PALLD: variants seen among roughly 807,000 people sequenced by gnomAD.
The protein encoded by PALLD is palladin.
A neutral mutation model predicts 123.5 loss-of-function variants in PALLD; 61 were observed. The observed-to-expected ratio is 0.49, with a 90% confidence interval of 0.40 to 0.61. The LOEUF (loss-of-function observed/expected upper bound fraction) is 0.61. Among genes scored for constraint, PALLD ranks in the 20% least tolerant of loss-of-function variants. The pLI is 0.00. For synonymous variants in PALLD, 465 were observed against 496.4 expected, an observed-to-expected ratio of 0.94 and a Z score of 0.84; for missense variants, 1,273 against 1,377.0, an observed-to-expected ratio of 0.92 and a Z score of 1.20.
intron 2 of PALLD, among the ~76,000 whole-genome samples, chr4:168,620,132 A>T (rs1774615102): frequency 6.6e-6 from 1 of 152,204 alleles, no homozygotes; most frequent in Admixed American, 6.5e-5. Context: ...AATGATACTT[A>T]ATTTTGTGTT....
At chr4:168,578,428 A>C (rs978785089) in intron 2 of PALLD, among the ~76,000 whole-genome samples, 6 of 152,028 alleles carry the variant, frequency 3.9e-5, no homozygotes, top group African/African-American at 1.2e-4. Flanking sequence ...TGGTTTTATA[A>C]GGGGCTTTTC....
chr4:168,778,023 G>A (rs1034571926), intron 10 of PALLD, among the ~76,000 whole-genome samples: 6 of 152,284 alleles, frequency 3.9e-5, no homozygotes, highest in South Asian at 2.1e-4. Context: ...ACTTTTCTTC[G>A]TCTTGGATGA....
intron 2 of PALLD, among the ~76,000 whole-genome samples, chr4:168,567,889 C>T (rs1768572654): frequency 6.6e-6 from 1 of 151,836 alleles, no homozygotes; most frequent in Non-Finnish European, 1.5e-5. Flanking sequence ...CAAGACTGTA[C>T]CACTACATAA....
intron 10 of PALLD, among the ~76,000 whole-genome samples, chr4:168,820,172 G>A (rs1169741719): frequency 6.6e-6 from 1 of 152,230 alleles, no homozygotes; most frequent in African/African-American, 2.4e-5. Context: ...ACTCCTTAGT[G>A]GCAGAAGTCA....
At chr4:168,679,464 ACGTGTGTGGGGGGG>A in intron 3 of PALLD, among the ~76,000 whole-genome samples, 1 of 38,818 alleles carries the variant, frequency 2.6e-5, no homozygotes, top group Middle Eastern at 0.024. Flanking sequence ...GTGAGTATGG[ACGTGTGTGGGGGGG>A]TGTGGTGTGT....
At chr4:168,779,266 A>G (rs1221565123) in intron 10 of PALLD, among the ~76,000 whole-genome samples, 1 of 152,154 alleles carries the variant, frequency 6.6e-6, no homozygotes, top group East Asian at 1.9e-4. Flanking sequence ...TTCTCTTACT[A>G]TATGGAAATT....
intron 10 of PALLD, among the ~76,000 whole-genome samples, chr4:168,800,830 C>T (rs889925467): frequency 6.6e-6 from 1 of 152,164 alleles, no homozygotes; most frequent in Non-Finnish European, 1.5e-5. Flanking sequence ...AGCAGCCCTG[C>T]TCATAATAAC....
At chr4:168,505,130 T>G (rs1248154462) in intron 1 of PALLD, among the ~76,000 whole-genome samples, 3 of 152,226 alleles carry the variant, frequency 2.0e-5, no homozygotes, top group Non-Finnish European at 1.5e-5. Flanking sequence ...CCGCCCTTGT[T>G]CATCCTCATT....
At chr4:168,708,726 A>G (rs1308582174) in intron 8 of PALLD, among the ~76,000 whole-genome samples, 1 of 152,180 alleles carries the variant, frequency 6.6e-6, no homozygotes, top group African/African-American at 2.4e-5. Context: ...GCACACTTGC[A>G]GACATCTCGT....
intron 2 of PALLD, among the ~76,000 whole-genome samples, chr4:168,555,349 A>G (rs1292625959): frequency 6.6e-6 from 1 of 152,146 alleles, no homozygotes; most frequent in Non-Finnish European, 1.5e-5. Flanking sequence ...AAAAATCCAT[A>G]CCAGGTTCCA....
rs182901402 is a variant in PALLD, at chr4:168,579,226, G to T, written c.908+66814G>T. Among the ~76,000 whole-genome samples, 229 of 152,250 alleles carry T rather than the reference G, an allele frequency of 1.5e-3. 3 individuals carry two copies. Among genetic ancestry groups the T allele is most frequent in the African/African-American group, 4.0e-3 (167 of 41,550 alleles). On this transcript the variant is annotated intron_variant, in intron 2 of 21. Transcript: ENST00000505667. The stretch of plus-strand genomic sequence containing the variant: ...TGTAAAGTGCAGCTATTTGAAAGTT[G>T]GTTAATCTCCCTAAACGTCATTTCG...
chr4:168,781,874 A>G (rs960086980), intron 10 of PALLD, among the ~76,000 whole-genome samples: 2 of 152,020 alleles, frequency 1.3e-5, no homozygotes, highest in Admixed American at 6.6e-5. Flanking sequence ...GTACCCACTG[A>G]CTGATTTTGC....
At chr4:168,615,956 T>C (rs1215498488) in intron 2 of PALLD, among the ~76,000 whole-genome samples, 1 of 152,164 alleles carries the variant, frequency 6.6e-6, no homozygotes, top group Non-Finnish European at 1.5e-5. Flanking sequence ...TATGACATGA[T>C]TGTTAAGGAA....
chr4:168,720,883 G>T (rs1184581321), intron 10 of PALLD, among the ~76,000 whole-genome samples: 1 of 152,178 alleles, frequency 6.6e-6, no homozygotes, highest in African/African-American at 2.4e-5. Flanking sequence ...ACATTTAGGT[G>T]CATTCATCCT....
rs552094316 is a variant in PALLD at position 168,644,234 on chromosome 4, G to A, written c.909-23956G>A. Among the ~76,000 whole-genome samples, 16 of 151,688 alleles carry A rather than the reference G, an allele frequency of 1.1e-4. No homozygotes were observed. In the East Asian group the frequency reaches 1.4e-3, roughly 13 times the overall value. ...CTCCCATGTAGCTGGGATTACAGGC[G>A]CCTCCACCAAGAATGGCTAATTTTT... On this transcript the variant is annotated intron_variant, in intron 2 of 21. Coordinates refer to ENST00000505667, the MANE Select transcript of PALLD (RefSeq NM_001166108.2).
intron 10 of PALLD, among the ~76,000 whole-genome samples, chr4:168,804,110 T>G (rs1739779102): frequency 6.6e-6 from 1 of 152,208 alleles, no homozygotes; most frequent in Admixed American, 6.5e-5. Context: ...GTACTGCCCT[T>G]GAGAGTACTG....
At chr4:168,781,413 G>A (rs939697225) in intron 10 of PALLD, among the ~76,000 whole-genome samples, 1 of 152,242 alleles carries the variant, frequency 6.6e-6, no homozygotes, top group African/African-American at 2.4e-5. Flanking sequence ...ACCACCTTGA[G>A]CACTGGCACA....
In PALLD at chr4:168,541,617, A is replaced by AT. The variant is rs570935622; in HGVS notation, c.908+29212dup. ...AGGCGCTCGCCACCACACCTGGCTA[A>AT]TTTTTTTGTATTTTTAGTAGAGACA... On this transcript the variant is annotated intron_variant, in intron 2 of 21. Coordinates refer to ENST00000505667, the MANE Select transcript of PALLD (RefSeq NM_001166108.2). Among the ~76,000 whole-genome samples the AT allele has an allele frequency of 3.6e-3, 553 of 151,936 alleles. 3 individuals carry two copies. The highest frequency in any genetic ancestry group is 9.4e-3 in the African/African-American group (389 of 41,414).
chr4:168,717,367 A>C (rs1416153885), intron 10 of PALLD, among the ~76,000 whole-genome samples: 2 of 151,456 alleles, frequency 1.3e-5, no homozygotes, highest in Non-Finnish European at 2.9e-5. Context: ...TTTTGAGATG[A>C]AGTTTTGCTT....
Sources: gnomAD v4.1 joint callset for allele counts (sites outside exome capture counted in the v4.1 genomes callset) on GRCh38, gnomAD v4.1.1 for gene constraint, MANE v1.5 for transcripts, NCBI Gene and HGNC (gene_info 2026-07-23, HGNC 2026-07-21) for gene names.